USP32: variants seen among roughly 807,000 people sequenced by gnomAD.
The protein encoded by USP32 is ubiquitin specific peptidase 32.
USP32 carries 59 observed loss-of-function variants against 204.8 expected under a neutral mutation model. That is an observed-to-expected ratio of 0.29 (90% CI 0.23 to 0.36). The LOEUF (loss-of-function observed/expected upper bound fraction) is 0.36. Ranked by LOEUF, USP32 falls within the 10% of genes least tolerant of loss-of-function variation. The pLI, the probability that USP32 is intolerant of heterozygous loss-of-function variation, is 1.00. For missense variants in USP32, 1,160 were observed against 1,946.4 expected, an observed-to-expected ratio of 0.60 and a Z score of 7.60; for synonymous variants, 517 against 678.4, an observed-to-expected ratio of 0.76 and a Z score of 3.70.
intron 27 of USP32, among the ~76,000 whole-genome samples, chr17:60,196,270 C>CAAAAAAAAAAAAAAAAAAAAAA (rs749074954): frequency 1.5e-5 from 2 of 129,222 alleles, no homozygotes; most frequent in African/African-American, 6.9e-5. Context: ...ATCCCCACGC[C>CAAAAAAAAAAAAAAAAAAAAAA]AAAAAAAGAA....
In USP32 at chr17:60,301,627, T is replaced by C; in HGVS notation, c.264A>G (p.Thr88=). The C allele has an allele frequency of 1.3e-6, 2 of 1,594,138 alleles. No individual in the cohort carries two copies. Among genetic ancestry groups the C allele is most frequent in the Non-Finnish European group, 1.7e-6 (2 of 1,175,098 alleles). ...TTGCTTTCTCTTCATCTTTGCCTCTTGTAAGGAGGACAAGTCCAACTATTA... is the reference window on the plus strand; with the variant it reads ...TTGCTTTCTCTTCATCTTTGCCTCTCGTAAGGAGGACAAGTCCAACTATTA... ...NNLIVGLVLL[T]RGKDEEKAKY... is the part of the protein sequence containing the mutation. Residue 88 remains threonine (T), a synonymous_variant, in exon 3 of 34, where the codon ACA becomes ACG. Coordinates refer to ENST00000300896, the MANE Select transcript of USP32 (RefSeq NM_032582.4).
In USP32 at chr17:60,318,380, A is replaced by G. The variant is rs373227690; in HGVS notation, c.187-16676T>C. 1.2e-4 allele frequency among the ~76,000 whole-genome samples: 18 copies of G among 152,290 alleles called. No individual in the cohort carries two copies. The South Asian group carries it at 1.9e-3, about 16-fold the overall frequency. On this transcript the variant is annotated intron_variant, in intron 2 of 33. Transcript: ENST00000300896. ...GAATTATATATTCTCCTGTTCACTA[A>G]TCTAATTCCATCTAGAGAACAGCAT...
chr17:60,228,169 C>A (rs1342885677), intron 12 of USP32, among the ~76,000 whole-genome samples: 1 of 152,038 alleles, frequency 6.6e-6, no homozygotes, highest in Admixed American at 6.5e-5. Flanking sequence ...GAACTACAGG[C>A]ACCTGCCACC....
At chr17:60,262,935 C>T (rs992471372) in intron 9 of USP32, among the ~76,000 whole-genome samples, 3 of 151,928 alleles carry the variant, frequency 2.0e-5, no homozygotes, top group Non-Finnish European at 2.9e-5. Context: ...ATCCTCTCAC[C>T]GTAATACTTG....
chr17:60,289,851 G>A (rs774295396), intron 4 of USP32, among the ~76,000 whole-genome samples: 1 of 152,154 alleles, frequency 6.6e-6, no homozygotes, highest in Non-Finnish European at 1.5e-5. Context: ...ACATGCTAAA[G>A]AATACGAATA....
chr17:60,321,831 A>G (rs552674996), intron 2 of USP32, among the ~76,000 whole-genome samples: 2 of 152,134 alleles, frequency 1.3e-5, no homozygotes, highest in South Asian at 4.1e-4. Flanking sequence ...CAACTCTATT[A>G]ATCATTAACA....
chr17:60,401,325 G>T (rs866436342), intron 1 of USP32, among the ~76,000 whole-genome samples: 3 of 151,732 alleles, frequency 2.0e-5, no homozygotes, highest in Admixed American at 6.6e-5. Flanking sequence ...AGCCGAGATC[G>T]CGCCACTGCA....
chr17:60,351,295 A>G (rs1000587150), intron 1 of USP32, among the ~76,000 whole-genome samples: 1 of 152,138 alleles, frequency 6.6e-6, no homozygotes, highest in Non-Finnish European at 1.5e-5. Flanking sequence ...TCCCGGGCTC[A>G]AGTGATCCTC....
chr17:60,308,435 G>A (rs1197215182), intron 2 of USP32, among the ~76,000 whole-genome samples: 1 of 152,176 alleles, frequency 6.6e-6, no homozygotes, highest in Non-Finnish European at 1.5e-5. Flanking sequence ...CACCCTGTGA[G>A]GGGGACAAGG....
At chr17:60,359,205 T>C (rs1314155729) in intron 1 of USP32, among the ~76,000 whole-genome samples, 1 of 152,180 alleles carries the variant, frequency 6.6e-6, no homozygotes, top group East Asian at 1.9e-4. Context: ...TCCTACAAAA[T>C]AACTTTCCTT....
intron 9 of USP32, chr17:60,256,632 C>T (rs2086313493): frequency 1.3e-5 from 13 of 987,336 alleles, no homozygotes; most frequent in Non-Finnish European, 1.6e-5. Flanking sequence ...AAGACATACA[C>T]GTTAGGTTAA....
intron 1 of USP32, among the ~76,000 whole-genome samples, chr17:60,413,988 G>A (rs1194385768): frequency 4.0e-5 from 6 of 151,248 alleles, no homozygotes. Context: ...ACAGTCCTCT[G>A]TTCCCCCTTA....
rs2084011512 is a variant in USP32 at position 60,178,076 on chromosome 17, T to TA, written c.*1178_*1179insT. 6.6e-6 allele frequency among the ~76,000 whole-genome samples: 1 copy of TA among 151,812 alleles called. No individual in the cohort carries two copies. Among genetic ancestry groups the TA allele is most frequent in the African/African-American group, 2.4e-5 (1 of 41,226 alleles). ...TAACTTTCGATGACTACTGTAAAAT[T>TA]TAAAAAAAAGACAAATATCAAAATA... On this transcript the variant is annotated 3_prime_UTR_variant, in exon 34 of 34. Coordinates refer to ENST00000300896, the MANE Select transcript of USP32 (RefSeq NM_032582.4).
At chr17:60,332,630 AAGAG>A (rs1386658587) in intron 2 of USP32, among the ~76,000 whole-genome samples, 1 of 152,176 alleles carries the variant, frequency 6.6e-6, no homozygotes, top group African/African-American at 2.4e-5. Context: ...CCTGGGCAAC[AAGAG>A]AGAAACTCTG....
chr17:60,224,219 T>C (rs1598094163), intron 13 of USP32, among the ~76,000 whole-genome samples: 1 of 152,262 alleles, frequency 6.6e-6, no homozygotes. Context: ...AATCTAGCAG[T>C]CATCACTTTG....
At chr17:60,281,613 T>C (rs1372724540) in intron 5 of USP32, among the ~76,000 whole-genome samples, 1 of 152,170 alleles carries the variant, frequency 6.6e-6, no homozygotes, top group Non-Finnish European at 1.5e-5. Flanking sequence ...TTACCTAATT[T>C]ACTCCTTGAA....
rs141029275 is a variant in USP32, at chr17:60,274,339, T to C, written c.572-2858A>G. ...AAGATAATATCAAACATACATACAA[T>C]TGGGATCCCAGAAAGGGATAGGCAG... On this transcript the variant is annotated intron_variant, in intron 5 of 33. Transcript: ENST00000300896. Among the ~76,000 whole-genome samples the C allele has an allele frequency of 6.3e-4, 96 of 152,178 alleles. No homozygotes were observed. The Middle Eastern group carries it at 0.037, about 59-fold the overall frequency.
chr17:60,361,742 C>T (rs1001728173), intron 1 of USP32, among the ~76,000 whole-genome samples: 1 of 152,084 alleles, frequency 6.6e-6, no homozygotes, highest in Non-Finnish European at 1.5e-5. Context: ...AAATCAATAT[C>T]CACTTATCCT....
chr17:60,336,623 G>A (rs2088524345), intron 2 of USP32, among the ~76,000 whole-genome samples: 1 of 145,962 alleles, frequency 6.9e-6, no homozygotes, highest in Non-Finnish European at 1.5e-5. Flanking sequence ...GGCTGAGGCA[G>A]GAGAATGGCG....
Sources: allele counts gnomAD v4.1 joint callset (sites outside exome capture counted in the v4.1 genomes callset), GRCh38; gene constraint gnomAD v4.1.1; transcripts MANE v1.5; gene names NCBI Gene and HGNC (gene_info 2026-07-23, HGNC 2026-07-21).